MYLK: variants seen among roughly 807,000 people sequenced by gnomAD.
The protein encoded by MYLK is myosin light chain kinase, smooth muscle.
Under a neutral mutation model 203.4 loss-of-function variants are expected in MYLK, and 106 were observed. That is an observed-to-expected ratio of 0.52 (90% CI 0.45 to 0.61). MYLK has a LOEUF of 0.61. MYLK is among the 20% of genes least tolerant of loss of function. The pLI is 0.00. For missense variants in MYLK, 2,072 were observed against 2,442.3 expected (o/e 0.85, Z 3.20); for synonymous variants, 867 against 959.5 (o/e 0.90, Z 1.78).
intron 27 of MYLK, among the ~76,000 whole-genome samples, chr3:123,644,955 AT>A (rs781335255): frequency 1.3e-5 from 2 of 152,230 alleles, no homozygotes; most frequent in African/African-American, 2.4e-5. Context: ...GGATTTGACA[AT>A]TGCAAAATCA....
chr3:123,612,448 G>C lies in MYLK; in HGVS notation c.*1657C>G, dbSNP rs78974757. On this transcript the variant is annotated 3_prime_UTR_variant, in exon 34 of 34. Coordinates refer to ENST00000360304, the MANE Select transcript of MYLK (RefSeq NM_053025.4). Reference sequence around the variant, plus strand: ...GCATTAACCTGTAACACACATATACGCCACACATGCACACACACAACATAC... The same window carrying C: ...GCATTAACCTGTAACACACATATACCCCACACATGCACACACACAACATAC... The C allele has an allele frequency of 6.6e-6, 1 of 152,364 alleles. No individual in the cohort carries two copies. Among genetic ancestry groups the C allele is most frequent in the Admixed American group, 6.6e-5 (1 of 15,246 alleles). 9.4% of individuals were successfully genotyped at this position (152,364 alleles called of 1,614,324 possible).
chr3:123,851,927 C>A (rs1200850618), intron 2 of MYLK, among the ~76,000 whole-genome samples: 2 of 152,136 alleles, frequency 1.3e-5, no homozygotes, highest in South Asian at 4.1e-4. Context: ...CAATCAATAC[C>A]TAAATTACTG....
rs115779579 is a variant in MYLK, at chr3:123,735,526, C to T, written c.755-110G>A. On this transcript the variant is annotated intron_variant, in intron 8 of 33. Coordinates refer to ENST00000360304, the MANE Select transcript of MYLK (RefSeq NM_053025.4). ...CGTGGTCCCACCCTGCTGGCTCCTT[C>T]CAGCTTCCCTGGTGCTGAACGTCTT... is the stretch of plus-strand genomic sequence containing the variant. 2,386 of 1,242,324 alleles carry T rather than the reference C, an allele frequency of 1.9e-3. 37 individuals carry two copies. The African/African-American group carries it at 0.032, about 17-fold the overall frequency. The allele number at this position is 1,242,324 out of a possible 1,614,324, so 77.0% of individuals were successfully genotyped here. A position where few individuals can be genotyped will look rare whatever the true frequency, so the allele number is the denominator to read the frequency against.
chr3:123,792,950 A>G (rs982428181), intron 4 of MYLK, among the ~76,000 whole-genome samples: 23 of 152,202 alleles, frequency 1.5e-4, no homozygotes, highest in Admixed American at 1.5e-3. Context: ...CTCTCCAGAC[A>G]ACCACGTAGC....
intron 2 of MYLK, among the ~76,000 whole-genome samples, chr3:123,841,486 T>C (rs1376527864): frequency 6.6e-6 from 1 of 152,170 alleles, no homozygotes; most frequent in Non-Finnish European, 1.5e-5. Context: ...TGCTTCTCAC[T>C]CTAAAGAAGC....
chr3:123,786,539 G>T (rs1305119440), intron 4 of MYLK, among the ~76,000 whole-genome samples: 1 of 128,698 alleles, frequency 7.8e-6, no homozygotes, highest in Non-Finnish European at 1.6e-5. Context: ...GGGGAGGAGG[G>T]GGGGATGGCT....
At chr3:123,777,605 C>T (rs1212957904) in intron 4 of MYLK, among the ~76,000 whole-genome samples, 1 of 152,198 alleles carries the variant, frequency 6.6e-6, no homozygotes, top group East Asian at 1.9e-4. Flanking sequence ...ACCTGAGGGC[C>T]ACAAGGCAGA....
At chr3:123,720,086 C>T (rs1560127349) in intron 13 of MYLK, among the ~76,000 whole-genome samples, 1 of 152,242 alleles carries the variant, frequency 6.6e-6, no homozygotes, top group African/African-American at 2.4e-5. Flanking sequence ...CCTGTCTGGT[C>T]TTTATAGCCC....
At chr3:123,713,639 T>C (rs1253904400) in intron 13 of MYLK, among the ~76,000 whole-genome samples, 1 of 146,158 alleles carries the variant, frequency 6.8e-6, no homozygotes, top group Non-Finnish European at 1.5e-5. Context: ...GTATTGCAAT[T>C]CATTCCAAAG....
At chr3:123,751,740 T>A (rs2063199227) in intron 5 of MYLK, among the ~76,000 whole-genome samples, 1 of 152,038 alleles carries the variant, frequency 6.6e-6, no homozygotes, top group South Asian at 2.1e-4. Context: ...TGGTAATACG[T>A]CCTAAAAGAA....
At chr3:123,820,372 G>C (rs1176095065) in intron 3 of MYLK, among the ~76,000 whole-genome samples, 1 of 152,132 alleles carries the variant, frequency 6.6e-6, no homozygotes, top group African/African-American at 2.4e-5. Flanking sequence ...ATAAGGTTAT[G>C]GAAATGCCTA....
rs184719664 is a variant in MYLK, at chr3:123,712,843, A to G, written c.1805-2950T>C. On this transcript the variant is annotated intron_variant, in intron 13 of 33. Coordinates refer to ENST00000360304, the MANE Select transcript of MYLK (RefSeq NM_053025.4). ...GTAAAAATACTTTGTACAACCATTC[A>G]TTATCAATGAGAACATTTGTACGAG... Among the ~76,000 whole-genome samples, 689 of 152,350 alleles carry G rather than the reference A, an allele frequency of 4.5e-3. 2 individuals are homozygous for G. The highest frequency in any genetic ancestry group is 6.6e-3 in the Non-Finnish European group (446 of 68,026).
At chr3:123,814,403 T>A (rs965535962) in intron 3 of MYLK, among the ~76,000 whole-genome samples, 1 of 152,218 alleles carries the variant, frequency 6.6e-6, no homozygotes, top group Non-Finnish European at 1.5e-5. Flanking sequence ...TTTACAGGAA[T>A]GTTGAACTCA....
chr3:123,709,973 A>C, intron 13 of MYLK, 80 bp from the exon 14 acceptor site: 1 of 1,576,470 alleles, frequency 6.3e-7, no homozygotes, highest in Non-Finnish European at 8.7e-7. Flanking sequence ...CACTTGGTAC[A>C]TGACTGTGTT....
chr3:123,854,696 G>T (rs2031191960), intron 2 of MYLK, among the ~76,000 whole-genome samples: 1 of 152,070 alleles, frequency 6.6e-6, no homozygotes, highest in Admixed American at 6.6e-5. Flanking sequence ...CCAAACCTTA[G>T]CATCTCACAA....
chr3:123,635,530 C>T (rs2058611111), intron 29 of MYLK, among the ~76,000 whole-genome samples: 2 of 152,128 alleles, frequency 1.3e-5, no homozygotes, highest in African/African-American at 4.8e-5. Context: ...GTCCTTGCCA[C>T]ACACACACCC....
intron 19 of MYLK, among the ~76,000 whole-genome samples, chr3:123,685,987 C>A (rs1576549530): frequency 6.6e-6 from 1 of 152,224 alleles, no homozygotes. Flanking sequence ...GCTGTGCATG[C>A]ACCACGGGGC....
chr3:123,843,249 C>T lies in MYLK; in HGVS notation c.-126-11579G>A, dbSNP rs116722915. On this transcript the variant is annotated intron_variant, in intron 2 of 33. Coordinates refer to ENST00000360304, the MANE Select transcript of MYLK (RefSeq NM_053025.4). ...AAATACTGGAAACAATGAAATCAGA[C>T]AGATTAGGAGAAATAATCATATATT... 6.8e-3 allele frequency among the ~76,000 whole-genome samples: 1,037 copies of T among 152,288 alleles called. 17 individuals are homozygous for T. The highest frequency in any genetic ancestry group is 0.024 in the African/African-American group (1,003 of 41,564).
At chr3:123,676,987 T>C (rs2060090110) in intron 20 of MYLK, among the ~76,000 whole-genome samples, 1 of 152,172 alleles carries the variant, frequency 6.6e-6, no homozygotes, top group Non-Finnish European at 1.5e-5. Flanking sequence ...CAATGCCTCC[T>C]TTACACAGCC....
Sources: gnomAD v4.1 joint callset for allele counts (sites outside exome capture counted in the v4.1 genomes callset) on GRCh38, gnomAD v4.1.1 for gene constraint, MANE v1.5 for transcripts, NCBI Gene and HGNC (gene_info 2026-07-23, HGNC 2026-07-21) for gene names.